The following PPP2R1A variants were observed in gnomAD, a reference collection of about 807,000 sequenced individuals.
PPP2R1A encodes the protein serine/threonine-protein phosphatase 2A 65 kDa regulatory subunit A alpha isoform.
A neutral mutation model predicts 67.1 loss-of-function variants in PPP2R1A; 15 were observed. That is an observed-to-expected ratio of 0.22 (90% confidence interval 0.15 to 0.34). PPP2R1A has a LOEUF of 0.34. Ranked by LOEUF, PPP2R1A falls within the 10% of genes least tolerant of loss-of-function variation. The pLI, the probability that PPP2R1A is intolerant of heterozygous loss-of-function variation, is 1.00. For missense variants in PPP2R1A, 369 were observed against 775.0 expected, an observed-to-expected ratio of 0.48 and a Z score of 6.22; for synonymous variants, 337 against 325.0, an observed-to-expected ratio of 1.04 and a Z score of -0.40.
In PPP2R1A at chr19:52,212,827, C is replaced by T. The variant is rs150469675; in HGVS notation, c.645C>T (p.Asp215=). 151 of 1,599,478 alleles carry T rather than the reference C, an allele frequency of 9.4e-5. No homozygotes were observed. The highest frequency in any genetic ancestry group is 1.2e-4 in the Non-Finnish European group (136 of 1,171,198). ...CCATGTTCTCCAACCTGGCCTCTGA[C>T]GAGCAGGTGAGTTTTGCTTCCTGGC... ...IIPMFSNLAS[D]EQDSVRLLAV... Residue 215 remains aspartate (D), a synonymous_variant, in exon 5 of 15, where the codon GAC becomes GAT. Coordinates refer to ENST00000322088, the MANE Select transcript of PPP2R1A (RefSeq NM_014225.6). The surrounding 1 kb of genome is among the most constrained non-coding windows in gnomAD (Gnocchi z 4.1).
chr19:52,213,241 A>ATC lies in PPP2R1A; in HGVS notation c.807+132_807+133dup, dbSNP rs1447137706. On this transcript the variant is annotated intron_variant, in intron 6 of 14. Transcript: ENST00000322088. This position sits in a 1 kb window ranked among gnomAD's most constrained non-coding sequence, Gnocchi z 4.2. ...GCGTTTGAGCAATAAGATCTCTATG[A>ATC]TCATCTAACTGCGTCTCGCTTCGTG... is the stretch of plus-strand genomic sequence containing the variant. The ATC allele has an allele frequency of 8.5e-7, 1 of 1,170,796 alleles. No individual in the cohort carries two copies. The highest frequency in any genetic ancestry group is 3.4e-5 in the Admixed American group (1 of 29,154). The allele number at this position is 1,170,796 out of a possible 1,614,324, so 72.5% of individuals were successfully genotyped here. A position where few individuals can be genotyped will look rare whatever the true frequency, so the allele number is the denominator to read the frequency against.
chr19:52,192,298 CTTT>C (rs60482392), intron 1 of PPP2R1A, among the ~76,000 whole-genome samples: 1 of 144,360 alleles, frequency 6.9e-6, no homozygotes, highest in African/African-American at 2.5e-5. Flanking sequence ...ATGTAATGGC[CTTT>C]TTTTTTTTTT....
At chr19:52,222,874 CA>C (rs1426676926) in intron 13 of PPP2R1A, among the ~76,000 whole-genome samples, 1 of 151,890 alleles carries the variant, frequency 6.6e-6, no homozygotes, top group Admixed American at 6.6e-5. Flanking sequence ...GAGACTGTCT[CA>C]AAAAAAATTA....
At chr19:52,218,532 G>A (rs3826654) in intron 9 of PPP2R1A, among the ~76,000 whole-genome samples, 61,629 of 151,940 alleles carry the variant, frequency 0.41, 12,988 homozygotes, top group African/African-American at 0.55. Context: ...ATCTTCATTA[G>A]TGTTCATGAC....
At chr19:52,195,500 A>G (rs1164408421) in intron 1 of PPP2R1A, among the ~76,000 whole-genome samples, 1 of 152,184 alleles carries the variant, frequency 6.6e-6, no homozygotes, top group Non-Finnish European at 1.5e-5. Flanking sequence ...ACCTGGAGAC[A>G]GTGTTGGATC....
rs1348762266 is a variant in PPP2R1A, at chr19:52,212,735, G to A, written c.553G>A (p.Ala185Thr). Residue 185 changes from alanine to threonine, a missense_variant, in exon 5 of 15, where the codon GCA (alanine) becomes ACA (threonine). Physicochemically the swap from Ala to Thr is moderately conservative, Grantham distance 58. Around this residue, in one of 2 missense-constraint regions of PPP2R1A, gnomAD observed 93 missense variants for 266.5 expected, o/e 0.35. Coordinates refer to ENST00000322088, the MANE Select transcript of PPP2R1A (RefSeq NM_014225.6). This position sits in a 1 kb window ranked among gnomAD's most constrained non-coding sequence, Gnocchi z 4.1. ...SDDTPMVRRAAASKLGEFAKV... is the reference protein window; with the variant it reads ...SDDTPMVRRATASKLGEFAKV... ...TGACACCCCCATGGTGCGGCGGGCC[G>A]CAGCCTCCAAGCTGGGGGAGTTTGC... 5 of 1,613,924 alleles carry A rather than the reference G, an allele frequency of 3.1e-6. No individual in the cohort carries two copies. Among genetic ancestry groups the A allele is most frequent in the Non-Finnish European group, 3.4e-6 (4 of 1,180,006 alleles).
chr19:52,205,937 T>C (rs2089597135), intron 2 of PPP2R1A, 26 bp from the exon 3 acceptor site: 1 of 1,588,982 alleles, frequency 6.3e-7, no homozygotes, highest in African/African-American at 1.3e-5. Context: ...GATGGGATAG[T>C]CACGAAGTCT....
chr19:52,215,757 C>T (rs1257588269), intron 6 of PPP2R1A, 22 bp from the exon 7 acceptor site: 2 of 1,602,950 alleles, frequency 1.2e-6, no homozygotes, highest in East Asian at 4.5e-5. Context: ...CTCACTCTCC[C>T]CCTCCTCCTT....
intron 13 of PPP2R1A, among the ~76,000 whole-genome samples, chr19:52,224,620 T>C (rs997368349): frequency 2.0e-5 from 3 of 152,236 alleles, no homozygotes; most frequent in African/African-American, 7.2e-5. Flanking sequence ...CCTGCTCTGA[T>C]CTCCCTGTTT....
intron 2 of PPP2R1A, among the ~76,000 whole-genome samples, chr19:52,205,029 A>G (rs577519467): frequency 6.6e-6 from 1 of 152,318 alleles, no homozygotes; most frequent in South Asian, 2.1e-4. Flanking sequence ...TAAGGAGGTG[A>G]TGCAGAAGTT....
At chr19:52,196,379 G>T (rs1407161923) in intron 1 of PPP2R1A, among the ~76,000 whole-genome samples, 1 of 152,222 alleles carries the variant, frequency 6.6e-6, no homozygotes, top group African/African-American at 2.4e-5. Flanking sequence ...TCAGCTCAAA[G>T]ATATCACAGA....
chr19:52,216,982 G>C lies in PPP2R1A; in HGVS notation c.1128+319G>C, dbSNP rs1377620483. Among the ~76,000 whole-genome samples the C allele has an allele frequency of 6.6e-6, 1 of 152,152 alleles. No individual in the cohort carries two copies. Among genetic ancestry groups the C allele is most frequent in the Non-Finnish European group, 1.5e-5 (1 of 68,030 alleles). On this transcript the variant is annotated intron_variant, in intron 9 of 14. Coordinates refer to ENST00000322088, the MANE Select transcript of PPP2R1A (RefSeq NM_014225.6). This position sits in a 1 kb window ranked among gnomAD's most constrained non-coding sequence, Gnocchi z 4.3. ...AGGCGGGTGGATCACCTGAGGTCAG[G>C]AGTTCGAGACCAGCCTGGCCAACAT...
chr19:52,219,620 A>T lies in PPP2R1A; in HGVS notation c.1129-71A>T. On this transcript the variant is annotated intron_variant, in intron 9 of 14. Coordinates refer to ENST00000322088, the MANE Select transcript of PPP2R1A (RefSeq NM_014225.6). The surrounding 1 kb of genome is among the most constrained non-coding windows in gnomAD (Gnocchi z 4.0). ...ATGTCCATAAAAGTTGATGCAGCTG[A>T]GCTCTTTCCATCCTGTCCTGGGTTG... The T allele has an allele frequency of 1.4e-6, 2 of 1,459,092 alleles. No homozygotes were observed. The highest frequency in any genetic ancestry group is 1.9e-6 in the Non-Finnish European group (2 of 1,070,592). The allele number at this position is 1,459,092 out of a possible 1,614,324, so 90.4% of individuals were successfully genotyped here.
chr19:52,199,082 C>T (rs1412737520), intron 1 of PPP2R1A, among the ~76,000 whole-genome samples: 6 of 152,304 alleles, frequency 3.9e-5, no homozygotes, highest in Non-Finnish European at 7.4e-5. Flanking sequence ...GAGAGAAGAA[C>T]ACACAGATCA....
chr19:52,209,593 G>T (rs552884272), intron 3 of PPP2R1A, among the ~76,000 whole-genome samples: 1 of 151,840 alleles, frequency 6.6e-6, no homozygotes, highest in East Asian at 1.9e-4. Context: ...TATTCACATT[G>T]TGCAGCCATT....
At position 52,226,110 on chromosome 19, in the gene PPP2R1A, C is replaced by G. The variant is rs1979244470; in HGVS notation, c.*129C>G. On this transcript the variant is annotated 3_prime_UTR_variant, in exon 15 of 15. Transcript: ENST00000322088. ...CATGGTCTGACCCCAGGCCCCTTCC[C>G]CCAGCACGGTTCCTCCTCTCCCCAG... is the stretch of plus-strand genomic sequence containing the variant. 1.4e-6 allele frequency: 2 copies of G among 1,410,584 alleles called. No homozygotes were observed. The highest frequency in any genetic ancestry group is 3.7e-5 in the Admixed American group (2 of 54,708). The allele number at this position is 1,410,584 out of a possible 1,614,324, so 87.4% of individuals were successfully genotyped here.
In PPP2R1A at chr19:52,227,607, G is replaced by A. The variant is rs1165780128; in HGVS notation, c.*1626G>A. The A allele has an allele frequency of 6.6e-6, 1 of 152,182 alleles. No individual in the cohort carries two copies. Among genetic ancestry groups the A allele is most frequent in the African/African-American group, 2.4e-5 (1 of 41,410 alleles). The allele number at this position is 152,182 out of a possible 1,614,324, so 9.4% of individuals were successfully genotyped here. ...ACATTTTGACCCAGGTGGTGGAAGG[G>A]AAATGTGGCTTTGAGTGACAAGGTG... On this transcript the variant is annotated 3_prime_UTR_variant, in exon 15 of 15. Coordinates refer to ENST00000322088, the MANE Select transcript of PPP2R1A (RefSeq NM_014225.6).
chr19:52,190,337 G>A (rs1402693250), intron 1 of PPP2R1A, 163 bp downstream of exon 1: 3 of 813,938 alleles, frequency 3.7e-6, no homozygotes, highest in African/African-American at 1.7e-5. Context: ...CCTTGAGACG[G>A]CGCTCCCGAT....
intron 2 of PPP2R1A, among the ~76,000 whole-genome samples, chr19:52,204,236 G>A (rs1300307008): frequency 6.6e-6 from 1 of 152,212 alleles, no homozygotes; most frequent in Non-Finnish European, 1.5e-5. Context: ...CATGAGGTTG[G>A]AGAAGAACAG....
Sources: allele counts gnomAD v4.1 joint callset (sites outside exome capture counted in the v4.1 genomes callset), GRCh38; gene constraint gnomAD v4.1.1; regional missense constraint gnomAD v4.1.1; non-coding constraint Gnocchi (gnomAD v3.1); transcripts MANE v1.5; gene names NCBI Gene and HGNC (gene_info 2026-07-23, HGNC 2026-07-21).